The following CSMD1 variants were observed in gnomAD, a reference collection of about 807,000 sequenced individuals.
CSMD1 encodes the protein CUB and sushi domain-containing protein 1.
A neutral mutation model predicts 417.5 loss-of-function variants in CSMD1; 213 were observed. That is an observed-to-expected ratio of 0.51 (90% CI 0.46 to 0.57). CSMD1 has a LOEUF of 0.57. CSMD1 is among the 20% of genes least tolerant of loss of function. The probability of loss-of-function intolerance (pLI) is 0.00; values close to 1 mark genes in which losing one functional copy is unlikely to be tolerated. For missense variants in CSMD1, 6,923 were observed against 4,529.7 expected, an observed-to-expected ratio of 1.53 and a Z score of -15.17; for synonymous variants, 2,862 against 1,736.8, an observed-to-expected ratio of 1.65 and a Z score of -16.11.
intron 3 of CSMD1, among the ~76,000 whole-genome samples, chr8:4,053,584 G>T (rs1383725623): frequency 6.6e-6 from 1 of 151,970 alleles, no homozygotes; most frequent in African/African-American, 2.4e-5. Flanking sequence ...TTCCACTCCT[G>T]CTCTTAGCAA....
At chr8:4,827,363 GC>G (rs1453678291) in intron 1 of CSMD1, among the ~76,000 whole-genome samples, 1 of 152,048 alleles carries the variant, frequency 6.6e-6, no homozygotes, top group East Asian at 1.9e-4. Flanking sequence ...GACACACAAA[GC>G]CCAGCGGCTG....
chr8:3,795,113 T>C (rs560085701), intron 5 of CSMD1, among the ~76,000 whole-genome samples: 10 of 92,778 alleles, frequency 1.1e-4, no homozygotes, highest in Non-Finnish European at 1.4e-4. Flanking sequence ...TGTACAGCTA[T>C]AGATATCTAT....
At chr8:3,816,497 T>G (rs1293308360) in intron 5 of CSMD1, among the ~76,000 whole-genome samples, 1 of 152,184 alleles carries the variant, frequency 6.6e-6, no homozygotes, top group East Asian at 1.9e-4. Context: ...ATTTATAAAT[T>G]AAACTTCCTC....
intron 41 of CSMD1, chr8:3,128,984 G>A (rs1817654045): frequency 5.0e-6 from 2 of 396,636 alleles, no homozygotes; most frequent in South Asian, 3.7e-5. Context: ...TACTAGCATG[G>A]AGTTAAGTGT....
intron 49 of CSMD1, among the ~76,000 whole-genome samples, chr8:3,066,071 G>A (rs750680478): frequency 5.3e-5 from 8 of 152,136 alleles, no homozygotes; most frequent in Non-Finnish European, 1.2e-4. Context: ...CAGAAAAATT[G>A]TCTATTGGCA....
At chr8:4,849,519 A>G (rs941411285) in intron 1 of CSMD1, among the ~76,000 whole-genome samples, 3 of 152,172 alleles carry the variant, frequency 2.0e-5, no homozygotes, top group African/African-American at 7.2e-5. Flanking sequence ...ACTCCTACAG[A>G]GCTACTTCCA....
At chr8:3,246,037 C>T (rs530901599) in intron 26 of CSMD1, among the ~76,000 whole-genome samples, 59 of 152,252 alleles carry the variant, frequency 3.9e-4, no homozygotes, top group African/African-American at 1.2e-3. Context: ...AACGCACTTG[C>T]CCGAACTTCC....
chr8:3,330,012 T>C (rs577945980), intron 23 of CSMD1, among the ~76,000 whole-genome samples: 2 of 152,284 alleles, frequency 1.3e-5, no homozygotes, highest in African/African-American at 2.4e-5. Flanking sequence ...TTTGATGTTT[T>C]GTGTGGAGGA....
chr8:4,650,650 T>A (rs1803837208), intron 1 of CSMD1, among the ~76,000 whole-genome samples: 1 of 135,606 alleles, frequency 7.4e-6, no homozygotes. Flanking sequence ...GTCTGTGGCC[T>A]TGAGTTAAAA....
chr8:3,822,191 T>G (rs1563115029), intron 5 of CSMD1, among the ~76,000 whole-genome samples: 2 of 152,172 alleles, frequency 1.3e-5, no homozygotes, highest in Non-Finnish European at 2.9e-5. Flanking sequence ...GCACTGCTAG[T>G]CACTTCATTC....
chr8:3,796,524 T>C (rs1223252563), intron 5 of CSMD1, among the ~76,000 whole-genome samples: 2 of 144,500 alleles, frequency 1.4e-5, no homozygotes, highest in African/African-American at 5.0e-5. Flanking sequence ...TATATATCTA[T>C]ATCTAAGATA....
At chr8:4,643,264 G>T (rs937439949) in intron 1 of CSMD1, among the ~76,000 whole-genome samples, 2 of 152,112 alleles carry the variant, frequency 1.3e-5, no homozygotes, top group Non-Finnish European at 2.9e-5. Context: ...TTACACTCAG[G>T]GGCAGTGTCG....
chr8:3,069,202 G>A (rs1813158640), intron 49 of CSMD1, among the ~76,000 whole-genome samples: 1 of 152,118 alleles, frequency 6.6e-6, no homozygotes, highest in East Asian at 1.9e-4. Flanking sequence ...TTGGTAGGCT[G>A]AGGCAGGTGG....
At chr8:4,686,087 T>C (rs1250736520) in intron 1 of CSMD1, among the ~76,000 whole-genome samples, 1 of 152,214 alleles carries the variant, frequency 6.6e-6, no homozygotes, top group Non-Finnish European at 1.5e-5. Flanking sequence ...GTTGTGTCAT[T>C]CACTTTTTCG....
chr8:4,027,085 G>A (rs1333283703), intron 4 of CSMD1, among the ~76,000 whole-genome samples: 4 of 152,098 alleles, frequency 2.6e-5, no homozygotes, highest in South Asian at 2.1e-4. Flanking sequence ...AGGATAGGTC[G>A]GCCACAGAAA....
chr8:3,970,594 A>G (rs1813012752), intron 5 of CSMD1, among the ~76,000 whole-genome samples: 1 of 152,216 alleles, frequency 6.6e-6, no homozygotes, highest in African/African-American at 2.4e-5. Flanking sequence ...CAACAGAATG[A>G]ATAGCAAAGG....
intron 5 of CSMD1, among the ~76,000 whole-genome samples, chr8:3,988,597 T>C (rs572917987): frequency 8.5e-5 from 13 of 152,336 alleles, no homozygotes; most frequent in African/African-American, 2.6e-4. Context: ...CAGTGAGTCC[T>C]GTGCACATGA....
intron 1 of CSMD1, among the ~76,000 whole-genome samples, chr8:4,873,808 C>A (rs1249829685): frequency 2.6e-5 from 4 of 151,944 alleles, no homozygotes; most frequent in Non-Finnish European, 5.9e-5. Flanking sequence ...AACATAAAGG[C>A]CATTTCTTAT....
intron 23 of CSMD1, among the ~76,000 whole-genome samples, chr8:3,309,198 C>T (rs373806632): frequency 6.2e-4 from 95 of 152,266 alleles, no homozygotes; most frequent in African/African-American, 2.3e-3. Flanking sequence ...GAGGGGCCAC[C>T]TATCGGCACT....
Sources: allele counts gnomAD v4.1 joint callset (sites outside exome capture counted in the v4.1 genomes callset), GRCh38; gene constraint gnomAD v4.1.1; transcripts MANE v1.5; gene names NCBI Gene and HGNC (gene_info 2026-07-23, HGNC 2026-07-21).